SLC1A2: variants seen among roughly 807,000 people sequenced by gnomAD.
SLC1A2 encodes excitatory amino acid transporter 2.
A neutral mutation model predicts 48.8 loss-of-function variants in SLC1A2; 15 were observed. The ratio of observed to expected loss-of-function variants is 0.31; its 90% CI spans 0.21 to 0.47. SLC1A2 has a LOEUF of 0.47. SLC1A2 is among the 20% of genes least tolerant of loss of function. The probability of loss-of-function intolerance (pLI) is 0.99; values close to 1 mark genes in which losing one functional copy is unlikely to be tolerated. For missense variants in SLC1A2, 502 were observed against 730.5 expected, an observed-to-expected ratio of 0.69 and a Z score of 3.61; for synonymous variants, 279 against 272.6, an observed-to-expected ratio of 1.02 and a Z score of -0.23.
chr11:35,420,110 C>G, upstream of SLC1A2: 1 of 190,778 alleles, frequency 5.2e-6, no homozygotes. Context: ...CTGGGGGCGG[C>G]GGGCGGGGTG....
At chr11:35,300,669 A>G (rs183861178) in intron 6 of SLC1A2, among the ~76,000 whole-genome samples, 1 of 152,332 alleles carries the variant, frequency 6.6e-6, no homozygotes, top group Non-Finnish European at 1.5e-5. Flanking sequence ...GTATTTTGTT[A>G]TAATAGATGG....
intron 1 of SLC1A2, among the ~76,000 whole-genome samples, chr11:35,355,610 C>T (rs554317991): frequency 6.6e-6 from 1 of 152,234 alleles, no homozygotes; most frequent in African/African-American, 2.4e-5. Flanking sequence ...GTTGGTTGGG[C>T]GTGGTGTCTC....
Position 35,371,323 on chromosome 11 carries a change from C to A in SLC1A2, c.17+47627G>T, listed in dbSNP as rs141616409. 2.4e-4 allele frequency among the ~76,000 whole-genome samples: 36 copies of A among 152,284 alleles called. No homozygotes were observed. In the East Asian group the frequency reaches 7.0e-3, roughly 29 times the overall value. On this transcript the variant is annotated intron_variant, in intron 1 of 10. Coordinates refer to ENST00000278379, the MANE Select transcript of SLC1A2 (RefSeq NM_004171.4). ...TCCTAGTGACATAGGCAAGTATCCA[C>A]CATGGTCCAGCTGGACCCTCAGAAC...
Position 35,292,423 on chromosome 11 carries a change from T to C in SLC1A2, c.955A>G (p.Thr319Ala). ...VARQLGMYMV[T>A]VIIGLIIHGG... is the part of the protein sequence containing the mutation. ...TGGATGATGAGGCCTATGATCACTG[T>C]TACCATGTACATCCCCAGTTGCCTA... Residue 319 changes from threonine (T) to alanine (A), a missense_variant, in exon 7 of 11, where the codon ACA becomes GCA. Coordinates refer to ENST00000278379, the MANE Select transcript of SLC1A2 (RefSeq NM_004171.4). 6.2e-7 allele frequency: 1 copy of C among 1,613,866 alleles called. No homozygotes were observed. Among genetic ancestry groups the C allele is most frequent in the Non-Finnish European group, 8.5e-7 (1 of 1,179,780 alleles).
intron 1 of SLC1A2, among the ~76,000 whole-genome samples, chr11:35,347,510 C>T (rs1853085662): frequency 6.6e-6 from 1 of 152,222 alleles, no homozygotes; most frequent in African/African-American, 2.4e-5. Flanking sequence ...TGAATCTTCA[C>T]TTAAATCCAG....
chr11:35,284,613 T>C (rs1054570017), intron 8 of SLC1A2, among the ~76,000 whole-genome samples: 35 of 152,046 alleles, frequency 2.3e-4, no homozygotes, highest in Non-Finnish European at 4.4e-4. Flanking sequence ...GCTGACTGAG[T>C]TGCTAAAGTG....
chr11:35,374,468 A>C (rs941841783), intron 1 of SLC1A2: 10 of 317,026 alleles, frequency 3.2e-5, no homozygotes, highest in Non-Finnish European at 5.8e-5. Context: ...CCAAACCCCA[A>C]ATTTAAAGAA....
At chr11:35,280,380 C>G (rs540237026) in intron 9 of SLC1A2, 8 of 152,476 alleles carry the variant, frequency 5.2e-5, no homozygotes, top group African/African-American at 1.7e-4. Flanking sequence ...CCAGGCTGGT[C>G]TTGAACTCCT....
chr11:35,265,257 G>A, intron 10 of SLC1A2: 1 of 529,754 alleles, frequency 1.9e-6, no homozygotes, highest in Non-Finnish European at 3.3e-6. Context: ...TAGTTAAATG[G>A]GGTAGATAGG....
intron 7 of SLC1A2, among the ~76,000 whole-genome samples, chr11:35,288,684 G>C (rs918968140): frequency 6.6e-6 from 1 of 152,028 alleles, no homozygotes; most frequent in Non-Finnish European, 1.5e-5. Context: ...AAGTCGACTG[G>C]GAAAAATGAT....
At chr11:35,290,513 T>C (rs1850965384) in intron 7 of SLC1A2, among the ~76,000 whole-genome samples, 1 of 152,152 alleles carries the variant, frequency 6.6e-6, no homozygotes, top group Non-Finnish European at 1.5e-5. Flanking sequence ...TAAAAGGTTA[T>C]GACCAGTTAT....
chr11:35,389,463 T>TTCTTCTTCG (rs1854693378), intron 1 of SLC1A2, among the ~76,000 whole-genome samples: 1 of 152,024 alleles, frequency 6.6e-6, no homozygotes, highest in Non-Finnish European at 1.5e-5. Flanking sequence ...CTTCTTCTTC[T>TTCTTCTTCG]TCTTATTATT....
chr11:35,350,380 T>G (rs1185559387), intron 1 of SLC1A2, among the ~76,000 whole-genome samples: 1 of 152,218 alleles, frequency 6.6e-6, no homozygotes, highest in Non-Finnish European at 1.5e-5. Flanking sequence ...AAGTCCAGCA[T>G]GGAGCTAGGC....
At chr11:35,262,995 T>C (rs1431846552) in intron 10 of SLC1A2, among the ~76,000 whole-genome samples, 1 of 152,190 alleles carries the variant, frequency 6.6e-6, no homozygotes, top group Admixed American at 6.5e-5. Context: ...CTAAAGATGC[T>C]AAAAGGATCC....
At chr11:35,348,143 T>C (rs1853108715) in intron 1 of SLC1A2, among the ~76,000 whole-genome samples, 1 of 152,152 alleles carries the variant, frequency 6.6e-6, no homozygotes, top group African/African-American at 2.4e-5. Flanking sequence ...CTAATGCAGC[T>C]AAAGGATTCT....
intron 6 of SLC1A2, among the ~76,000 whole-genome samples, chr11:35,294,097 C>T (rs1333372870): frequency 6.6e-6 from 1 of 152,160 alleles, no homozygotes; most frequent in Non-Finnish European, 1.5e-5. Flanking sequence ...CACACATGTA[C>T]CCCATGTCCT....
At chr11:35,387,131 G>A (rs1225992557) in intron 1 of SLC1A2, among the ~76,000 whole-genome samples, 1 of 152,140 alleles carries the variant, frequency 6.6e-6, no homozygotes, top group African/African-American at 2.4e-5. Flanking sequence ...CCATTCTCCT[G>A]TAGAATTGGT....
intron 1 of SLC1A2, among the ~76,000 whole-genome samples, chr11:35,338,757 A>C (rs527803969): frequency 1.3e-5 from 2 of 152,312 alleles, no homozygotes; most frequent in African/African-American, 4.8e-5. Flanking sequence ...TATATTCTCT[A>C]GTTCACTTAA....
chr11:35,361,571 C>A (rs1177825112), intron 1 of SLC1A2, among the ~76,000 whole-genome samples: 5 of 152,150 alleles, frequency 3.3e-5, no homozygotes, highest in African/African-American at 1.2e-4. Flanking sequence ...ATCAAAATCT[C>A]CCATATCATG....
Sources: allele counts gnomAD v4.1 joint callset (sites outside exome capture counted in the v4.1 genomes callset), GRCh38; gene constraint gnomAD v4.1.1; transcripts MANE v1.5; gene names NCBI Gene and HGNC (gene_info 2026-07-23, HGNC 2026-07-21).